Variants in DCLK2 observed in about 807,000 individuals in gnomAD.
DCLK2 encodes the protein serine/threonine-protein kinase DCLK2.
DCLK2 carries 31 observed loss-of-function variants against 78.4 expected under a neutral mutation model. That is an observed-to-expected ratio of 0.40 (90% confidence interval 0.30 to 0.53). The LOEUF (loss-of-function observed/expected upper bound fraction) is 0.53. DCLK2 is among the 20% of genes least tolerant of loss of function. DCLK2 has a pLI of 0.61. For missense variants in DCLK2, 872 were observed against 973.7 expected (o/e 0.90, Z 1.39); for synonymous variants, 407 against 374.9 (o/e 1.09, Z -0.99).
intron 2 of DCLK2, among the ~76,000 whole-genome samples, chr4:150,117,484 C>T (rs1732177996): frequency 6.6e-6 from 1 of 152,304 alleles, no homozygotes; most frequent in East Asian, 1.9e-4. Flanking sequence ...CCACTCACCC[C>T]TTGGTTCTGG....
chr4:150,221,549 A>G, intron 6 of DCLK2, 128 bp from the exon 7 acceptor site: 1 of 583,892 alleles, frequency 1.7e-6, no homozygotes. Flanking sequence ...AAATGTGTGC[A>G]GATATTTTAT....
At chr4:150,169,041 A>C (rs1365381421) in intron 2 of DCLK2, among the ~76,000 whole-genome samples, 1 of 148,430 alleles carries the variant, frequency 6.7e-6, no homozygotes, top group Non-Finnish European at 1.5e-5. Context: ...GCCAAAGTGC[A>C]CCCCCTCCCC....
At chr4:150,249,998 G>A (rs1743638158) in intron 15 of DCLK2, among the ~76,000 whole-genome samples, 1 of 152,140 alleles carries the variant, frequency 6.6e-6, no homozygotes, top group Non-Finnish European at 1.5e-5. Context: ...CCAAGCCCTG[G>A]AGGGGTGTGT....
At chr4:150,211,385 C>T (rs1350909663) in intron 5 of DCLK2, among the ~76,000 whole-genome samples, 1 of 152,076 alleles carries the variant, frequency 6.6e-6, no homozygotes, top group African/African-American at 2.4e-5. Context: ...AAGCCAGACC[C>T]CATCTCTTCC....
chr4:150,117,887 T>C (rs1269772814), intron 2 of DCLK2, among the ~76,000 whole-genome samples: 1 of 152,224 alleles, frequency 6.6e-6, no homozygotes, highest in Non-Finnish European at 1.5e-5. Context: ...TATTTTGTCT[T>C]TTCACGTGGT....
At chr4:150,168,316 CA>C (rs1233813102) in intron 2 of DCLK2, among the ~76,000 whole-genome samples, 14 of 151,000 alleles carry the variant, frequency 9.3e-5, no homozygotes, top group Non-Finnish European at 1.5e-5. Flanking sequence ...CACTGCATTC[CA>C]GCCTGGGTGA....
chr4:150,138,511 A>G (rs1017246132), intron 2 of DCLK2, among the ~76,000 whole-genome samples: 5 of 152,208 alleles, frequency 3.3e-5, no homozygotes, highest in African/African-American at 1.2e-4. Context: ...TAGGAGGCTC[A>G]GTGGGTCAAA....
chr4:150,213,294 C>T (rs1029815924), intron 5 of DCLK2, among the ~76,000 whole-genome samples: 1 of 152,202 alleles, frequency 6.6e-6, no homozygotes, highest in African/African-American at 2.4e-5. Context: ...ACACTGTTAA[C>T]CAACCACAAG....
intron 2 of DCLK2, among the ~76,000 whole-genome samples, chr4:150,119,762 A>G (rs769922303): frequency 6.9e-4 from 105 of 152,134 alleles, no homozygotes; most frequent in Admixed American, 3.7e-3. Flanking sequence ...AGAAAAAAAA[A>G]AAGAAGAAAA....
intron 2 of DCLK2, among the ~76,000 whole-genome samples, chr4:150,107,306 A>G (rs558246929): frequency 4.3e-4 from 64 of 148,888 alleles, no homozygotes; most frequent in African/African-American, 1.4e-3. Context: ...CTCTCTGTCT[A>G]TTTCTTATCT....
At chr4:150,180,926 A>T (rs1219819022) in intron 2 of DCLK2, among the ~76,000 whole-genome samples, 3 of 152,156 alleles carry the variant, frequency 2.0e-5, no homozygotes, top group Admixed American at 2.0e-4. Flanking sequence ...TAAGACCCCC[A>T]TTCCAGAAAG....
At chr4:150,133,282 C>T (rs532051604) in intron 2 of DCLK2, among the ~76,000 whole-genome samples, 3 of 151,284 alleles carry the variant, frequency 2.0e-5, no homozygotes, top group African/African-American at 7.3e-5. Flanking sequence ...ACCTTAACCT[C>T]ACCTTGATGT....
intron 5 of DCLK2, among the ~76,000 whole-genome samples, chr4:150,206,286 T>A (rs1253645242): frequency 2.0e-5 from 3 of 152,136 alleles, no homozygotes; most frequent in Non-Finnish European, 4.4e-5. Flanking sequence ...AGTAAAATTG[T>A]TCCTTCTATG....
intron 2 of DCLK2, among the ~76,000 whole-genome samples, chr4:150,144,539 A>G (rs1271707565): frequency 6.6e-6 from 1 of 152,042 alleles, no homozygotes; most frequent in Admixed American, 6.6e-5. Flanking sequence ...TTCTTTTTGA[A>G]TAGGATTGCT....
intron 8 of DCLK2, among the ~76,000 whole-genome samples, chr4:150,227,963 C>T (rs1374921510): frequency 3.9e-5 from 6 of 152,150 alleles, no homozygotes; most frequent in African/African-American, 7.2e-5. Flanking sequence ...GCTGAGAGTC[C>T]GAAATCCATG....
Position 150,249,593 on chromosome 4 carries a change from T to A in DCLK2, c.1982T>A (p.Met661Lys). Residue 661 changes from methionine to lysine, a missense_variant, in exon 15 of 16, where the codon ATG (methionine) becomes AAG (lysine). Coordinates refer to ENST00000296550, the MANE Select transcript of DCLK2 (RefSeq NM_001040260.4). ...GATGATGCCTCCCAGGAGAATAACA[T>A]GCAAGCTGAGGTGACAGGTAAACTA... is the stretch of plus-strand genomic sequence containing the variant. ...VSDDASQENN[M>K]QAEVTGKLKQ... is the part of the protein sequence containing the mutation. The A allele has an allele frequency of 6.2e-7, 1 of 1,613,698 alleles. No individual in the cohort carries two copies. Among genetic ancestry groups the A allele is most frequent in the Non-Finnish European group, 8.5e-7 (1 of 1,179,946 alleles).
rs953481655 is a variant in DCLK2, at chr4:150,179,096, C to T, written c.757-14042C>T. Among the ~76,000 whole-genome samples the T allele has an allele frequency of 4.6e-5, 7 of 152,194 alleles. No homozygotes were observed. The South Asian group carries it at 6.2e-4, about 14-fold the overall frequency. ...AGGCTGGAGTGCAGTGGCGCGATCT[C>T]GGCTCACTGCAAGCTCTGCCTCCCA... On this transcript the variant is annotated intron_variant, in intron 2 of 15. Transcript: ENST00000296550.
At chr4:150,168,473 C>G (rs1337764985) in intron 2 of DCLK2, among the ~76,000 whole-genome samples, 2 of 152,096 alleles carry the variant, frequency 1.3e-5, no homozygotes, top group Non-Finnish European at 2.9e-5. Flanking sequence ...AATAAACTTT[C>G]ACTCCTGCTC....
At chr4:150,168,027 C>A (rs28673979) in intron 2 of DCLK2, among the ~76,000 whole-genome samples, 26,530 of 152,088 alleles carry the variant, frequency 0.17, 2,526 homozygotes, top group Non-Finnish European at 0.22. Flanking sequence ...GGCGCAAGAC[C>A]CCAGAAGCAT....
Sources: gnomAD v4.1 joint callset for allele counts (sites outside exome capture counted in the v4.1 genomes callset) on GRCh38, gnomAD v4.1.1 for gene constraint, MANE v1.5 for transcripts, NCBI Gene and HGNC (gene_info 2026-07-23, HGNC 2026-07-21) for gene names.